Variants in B3GALT1 observed in about 807,000 individuals in gnomAD.
The protein encoded by B3GALT1 is beta-1,3-galactosyltransferase 1.
A neutral mutation model predicts 23.2 loss-of-function variants in B3GALT1; 10 were observed. That is an observed-to-expected ratio of 0.43 (90% confidence interval 0.27 to 0.73). The LOEUF (loss-of-function observed/expected upper bound fraction) is 0.73. Among genes scored for constraint, B3GALT1 ranks in the 30% least tolerant of loss-of-function variants. The pLI is 0.21. For missense variants in B3GALT1, 299 were observed against 405.4 expected (o/e 0.74, Z 2.25); for synonymous variants, 156 against 141.5 (o/e 1.10, Z -0.73).
intron 4 of B3GALT1, among the ~76,000 whole-genome samples, chr2:167,865,580 A>G (rs1376191109): frequency 6.6e-6 from 1 of 152,188 alleles, no homozygotes. Flanking sequence ...TCACAAGATC[A>G]GGAGATCGAG....
intron 1 of B3GALT1, among the ~76,000 whole-genome samples, chr2:167,322,464 A>G (rs1696828867): frequency 6.6e-6 from 1 of 152,028 alleles, no homozygotes; most frequent in African/African-American, 2.4e-5. Context: ...AAATTCATGT[A>G]TAAAATAATA....
intron 3 of B3GALT1, among the ~76,000 whole-genome samples, chr2:167,653,327 T>C (rs1479798701): frequency 6.6e-6 from 1 of 152,146 alleles, no homozygotes; most frequent in African/African-American, 2.4e-5. Context: ...TTCCTAATGA[T>C]TATTGCTAAT....
chr2:167,644,090 T>A (rs1574186843), intron 2 of B3GALT1, among the ~76,000 whole-genome samples: 1 of 152,150 alleles, frequency 6.6e-6, no homozygotes, highest in East Asian at 1.9e-4. Flanking sequence ...AGAGTTCAGT[T>A]TTCACAGTTT....
chr2:167,520,099 C>T, intron 2 of B3GALT1, among the ~76,000 whole-genome samples: 1 of 151,210 alleles, frequency 6.6e-6, no homozygotes, highest in East Asian at 1.9e-4. Context: ...GAATCAAATA[C>T]ATAAAGATAC....
At chr2:167,359,293 C>G (rs1157163683) in intron 1 of B3GALT1, among the ~76,000 whole-genome samples, 1 of 152,142 alleles carries the variant, frequency 6.6e-6, no homozygotes, top group African/African-American at 2.4e-5. Context: ...AAGGCACATC[C>G]TCAATCTGCT....
chr2:167,808,554 T>G (rs10174116), intron 3 of B3GALT1, among the ~76,000 whole-genome samples: 34,658 of 149,694 alleles, frequency 0.23, 4,885 homozygotes, highest in East Asian at 0.37. Flanking sequence ...GCTTAATTTG[T>G]CTGGATATGA....
intron 2 of B3GALT1, among the ~76,000 whole-genome samples, chr2:167,628,604 A>G (rs1350938697): frequency 6.6e-6 from 1 of 151,730 alleles, no homozygotes; most frequent in Non-Finnish European, 1.5e-5. Flanking sequence ...AATAATTCTC[A>G]TTTTTAAATC....
intron 1 of B3GALT1, among the ~76,000 whole-genome samples, chr2:167,300,530 C>G (rs930228915): frequency 6.6e-6 from 1 of 152,130 alleles, no homozygotes; most frequent in African/African-American, 2.4e-5. Context: ...GGAAGTTGCA[C>G]TTTCAAGTAT....
chr2:167,798,091 T>A (rs1396069563), intron 3 of B3GALT1, among the ~76,000 whole-genome samples: 1 of 152,240 alleles, frequency 6.6e-6, no homozygotes, highest in Non-Finnish European at 1.5e-5. Flanking sequence ...GAATGTCTTC[T>A]TTTGAAAAGT....
intron 3 of B3GALT1, among the ~76,000 whole-genome samples, chr2:167,806,433 T>C: frequency 6.6e-6 from 1 of 152,218 alleles, no homozygotes; most frequent in East Asian, 1.9e-4. Flanking sequence ...GCTTCCAGTT[T>C]TTGCCCATTC....
rs185633470 is a variant in B3GALT1 at position 167,565,428 on chromosome 2, A to G, written c.-410+75151A>G. Reference sequence around the variant, plus strand: ...CCTAGAAGAAAACCTAAGCATTAGCATTCAGGACATAGGCAAGGGCAAGAA... The same window carrying G: ...CCTAGAAGAAAACCTAAGCATTAGCGTTCAGGACATAGGCAAGGGCAAGAA... On this transcript the variant is annotated intron_variant, in intron 2 of 4. Coordinates refer to ENST00000392690, the MANE Select transcript of B3GALT1 (RefSeq NM_020981.4). Among the ~76,000 whole-genome samples, 14 of 152,364 alleles carry G rather than the reference A, an allele frequency of 9.2e-5. No homozygotes were observed. In the East Asian group the frequency reaches 2.7e-3, roughly 29 times the overall value.
intron 3 of B3GALT1, among the ~76,000 whole-genome samples, chr2:167,780,415 G>A (rs1333071325): frequency 1.3e-5 from 2 of 152,158 alleles, no homozygotes; most frequent in Non-Finnish European, 2.9e-5. Flanking sequence ...GAAATTCTAA[G>A]AACTCACTAA....
intron 3 of B3GALT1, among the ~76,000 whole-genome samples, chr2:167,710,539 A>G (rs1687031817): frequency 6.6e-6 from 1 of 152,172 alleles, no homozygotes; most frequent in African/African-American, 2.4e-5. Context: ...TGTGCTTCTC[A>G]AAGCATTGTC....
At chr2:167,523,975 T>A (rs1683176324) in intron 2 of B3GALT1, among the ~76,000 whole-genome samples, 1 of 152,206 alleles carries the variant, frequency 6.6e-6, no homozygotes, top group South Asian at 2.1e-4. Context: ...TTATAAACAA[T>A]ACTGCAAATG....
At chr2:167,546,055 T>C (rs2105376971) in intron 2 of B3GALT1, among the ~76,000 whole-genome samples, 1 of 152,228 alleles carries the variant, frequency 6.6e-6, no homozygotes, top group East Asian at 1.9e-4. Flanking sequence ...ACTTGTGGCA[T>C]CATATTGGTG....
chr2:167,494,660 C>G (rs1193371058), intron 2 of B3GALT1, among the ~76,000 whole-genome samples: 1 of 152,108 alleles, frequency 6.6e-6, no homozygotes, highest in Non-Finnish European at 1.5e-5. Flanking sequence ...GTTTTAAAAT[C>G]TAGATGAGGC....
chr2:167,637,556 G>T (rs928078233), intron 2 of B3GALT1, among the ~76,000 whole-genome samples: 2 of 151,912 alleles, frequency 1.3e-5, no homozygotes, highest in African/African-American at 4.8e-5. Flanking sequence ...ATACATTGTT[G>T]TTAACTGTAG....
At chr2:167,402,979 T>G (rs2105290178) in intron 1 of B3GALT1, among the ~76,000 whole-genome samples, 1 of 144,208 alleles carries the variant, frequency 6.9e-6, no homozygotes, top group Non-Finnish European at 1.5e-5. Context: ...CCCGATTGCA[T>G]TCACCTCTAA....
intron 1 of B3GALT1, among the ~76,000 whole-genome samples, chr2:167,406,771 AC>A (rs966134330): frequency 9.2e-5 from 14 of 152,112 alleles, no homozygotes; most frequent in Non-Finnish European, 1.6e-4. Context: ...ACTCAGCAAC[AC>A]CATGCTGTCG....
Sources: gnomAD v4.1 joint callset for allele counts (sites outside exome capture counted in the v4.1 genomes callset) on GRCh38, gnomAD v4.1.1 for gene constraint, MANE v1.5 for transcripts, NCBI Gene and HGNC (gene_info 2026-07-23, HGNC 2026-07-21) for gene names.